Variants in PIEZO2 observed in about 807,000 individuals in gnomAD.
PIEZO2 encodes piezo type mechanosensitive ion channel component 2, also known as piezo-type mechanosensitive ion channel component 2.
A neutral mutation model predicts 337.3 loss-of-function variants in PIEZO2; 172 were observed. The observed-to-expected ratio is 0.51, with a 90% CI of 0.45 to 0.58. The LOEUF (loss-of-function observed/expected upper bound fraction) is 0.58, where lower values mean the gene tolerates loss of function less well. PIEZO2 is among the 20% of genes least tolerant of loss of function. The probability of loss-of-function intolerance (pLI) is 0.00; values close to 1 mark genes in which losing one functional copy is unlikely to be tolerated. For synonymous variants in PIEZO2, 1,251 were observed against 1,228.5 expected (o/e 1.02, Z -0.38); for missense variants, 3,028 against 3,391.3 (o/e 0.89, Z 2.66).
intron 45 of PIEZO2, 29 bp downstream of exon 45, chr18:10,697,719 A>G: frequency 5.0e-6 from 8 of 1,608,476 alleles, no homozygotes; most frequent in Non-Finnish European, 6.8e-6. Flanking sequence ...ACAATAAAGC[A>G]CACATGCCAT....
In PIEZO2 at chr18:11,112,199, G is replaced by GT; in HGVS notation, c.64+36325dup. On this transcript the variant is annotated intron_variant, in intron 1 of 55. Coordinates refer to ENST00000674853, the MANE Select transcript of PIEZO2 (RefSeq NM_001378183.1). The surrounding 1 kb of genome is among the most constrained non-coding windows in gnomAD (Gnocchi z 4.3). ...ATTTAAGTAATCCTCTAGGTATTTT[G>GT]TATCTACAGGATCAGATATTCGGAT... Among the ~76,000 whole-genome samples the GT allele has an allele frequency of 6.6e-6, 1 of 152,156 alleles. No homozygotes were observed. The highest frequency in any genetic ancestry group is 2.1e-4 in the South Asian group (1 of 4,830).
rs2033867804 is a variant in PIEZO2 at position 10,673,519 on chromosome 18, G to A, written c.8162-646C>T. ...AACTTCAATAGGTGAAGGTGGGTGA[G>A]GAGGGAAGCTCATTTCAGGAAGAGT... On this transcript the variant is annotated intron_variant, in intron 54 of 55. Coordinates refer to ENST00000674853, the MANE Select transcript of PIEZO2 (RefSeq NM_001378183.1). This position sits in a 1 kb window ranked among gnomAD's most constrained non-coding sequence, Gnocchi z 4.8. Among the ~76,000 whole-genome samples, 1 of 152,154 alleles carries A rather than the reference G, an allele frequency of 6.6e-6. No homozygotes were observed. Among genetic ancestry groups the A allele is most frequent in the Non-Finnish European group, 1.5e-5 (1 of 68,032 alleles).
At chr18:10,789,631 G>C (rs985646444) in intron 14 of PIEZO2, among the ~76,000 whole-genome samples, 5 of 152,122 alleles carry the variant, frequency 3.3e-5, no homozygotes, top group Non-Finnish European at 7.4e-5. Flanking sequence ...CTGATATCCA[G>C]TGATAGCTTT....
chr18:10,886,515 A>ATATATATATG (rs2042613910), intron 4 of PIEZO2, among the ~76,000 whole-genome samples: 1 of 41,762 alleles, frequency 2.4e-5, no homozygotes. Context: ...TACACATTAT[A>ATATATATATG]TATATATGAT....
intron 7 of PIEZO2, among the ~76,000 whole-genome samples, chr18:10,814,528 T>C (rs1598522079): frequency 6.6e-6 from 1 of 152,044 alleles, no homozygotes; most frequent in South Asian, 2.1e-4. Flanking sequence ...TTTCAGGAAG[T>C]TTGAGAATTT....
rs200508496 is a variant in PIEZO2, at chr18:10,998,423, GA to G, written c.161-18764del. Among the ~76,000 whole-genome samples the G allele has an allele frequency of 1.9e-3, 293 of 151,586 alleles. 1 individual carries two copies. The highest frequency in any genetic ancestry group is 6.6e-3 in the African/African-American group (273 of 41,408). ...CTCCAGTTAATTCATGGAATTTCTA[GA>G]AAAAAATCTCTCTTTTTTGGATTTG... On this transcript the variant is annotated intron_variant, in intron 2 of 55. Coordinates refer to ENST00000674853, the MANE Select transcript of PIEZO2 (RefSeq NM_001378183.1).
At chr18:11,023,640 C>T (rs934747449) in intron 2 of PIEZO2, among the ~76,000 whole-genome samples, 2 of 152,242 alleles carry the variant, frequency 1.3e-5, no homozygotes, top group Admixed American at 6.5e-5. Context: ...AGTCCCGTGC[C>T]GTGTGCCCAC....
At chr18:11,015,998 C>T (rs1178775848) in intron 2 of PIEZO2, among the ~76,000 whole-genome samples, 3 of 152,202 alleles carry the variant, frequency 2.0e-5, no homozygotes, top group Admixed American at 6.5e-5. Flanking sequence ...ATAGCTTGGG[C>T]AATCCTGGTG....
Position 10,736,596 on chromosome 18 carries a change from A to C in PIEZO2, c.4815+8T>G. On this transcript the variant is annotated splice_region_variant and intron_variant, in intron 34 of 55. Transcript: ENST00000674853. Reference sequence around the variant, plus strand: ...AACTAGCAAAGAAATGATTTTCCCCATAATTACCTGGAATGCTGACCTTCG... The same window carrying C: ...AACTAGCAAAGAAATGATTTTCCCCCTAATTACCTGGAATGCTGACCTTCG... 1 of 1,536,894 alleles carries C rather than the reference A, an allele frequency of 6.5e-7. No individual in the cohort carries two copies. Among genetic ancestry groups the C allele is most frequent in the Non-Finnish European group, 8.7e-7 (1 of 1,146,802 alleles).
At chr18:11,025,932 C>A (rs2036524371) in intron 2 of PIEZO2, among the ~76,000 whole-genome samples, 1 of 152,168 alleles carries the variant, frequency 6.6e-6, no homozygotes, top group Admixed American at 6.5e-5. Flanking sequence ...GGGGCAGCAG[C>A]AGCAAGCCCC....
chr18:10,904,092 TAGTC>T (rs1221431032), intron 4 of PIEZO2, among the ~76,000 whole-genome samples: 20 of 152,338 alleles, frequency 1.3e-4, no homozygotes, highest in South Asian at 2.1e-4. Context: ...TAAAATATAA[TAGTC>T]AGTTACATGA....
intron 2 of PIEZO2, among the ~76,000 whole-genome samples, chr18:11,029,122 C>T (rs1251333473): frequency 1.3e-5 from 2 of 152,134 alleles, no homozygotes; most frequent in African/African-American, 2.4e-5. Context: ...AGGCCTTCTC[C>T]ATATTCAATT....
chr18:11,007,127 T>C (rs550052151), intron 2 of PIEZO2, among the ~76,000 whole-genome samples: 1 of 152,340 alleles, frequency 6.6e-6, no homozygotes, highest in South Asian at 2.1e-4. Flanking sequence ...TTTTATTCCT[T>C]CTATCTAACT....
intron 3 of PIEZO2, among the ~76,000 whole-genome samples, chr18:10,959,037 C>A (rs1041339480): frequency 6.6e-6 from 1 of 152,100 alleles, no homozygotes; most frequent in African/African-American, 2.4e-5. Context: ...CTACCTATAA[C>A]TGTAGTGTAG....
chr18:10,728,837 C>G (rs776827180), intron 36 of PIEZO2, among the ~76,000 whole-genome samples: 6 of 151,752 alleles, frequency 4.0e-5, no homozygotes, highest in Admixed American at 6.6e-5. Context: ...CGCCTGTAGT[C>G]CCAGCTACGT....
rs1230412746 is a variant in PIEZO2 at position 10,895,921 on chromosome 18, G to A, written c.329+15265C>T. Among the ~76,000 whole-genome samples, 1 of 151,954 alleles carries A rather than the reference G, an allele frequency of 6.6e-6. No homozygotes were observed. The highest frequency in any genetic ancestry group is 2.1e-4 in the South Asian group (1 of 4,812). On this transcript the variant is annotated intron_variant, in intron 4 of 55. Coordinates refer to ENST00000674853, the MANE Select transcript of PIEZO2 (RefSeq NM_001378183.1). The surrounding 1 kb of genome is among the most constrained non-coding windows in gnomAD (Gnocchi z 4.8). ...TAAAAATACAGAAAATTACCCGGGC[G>A]TGGTGGCGTGTGCCTGTAATCCCAG... is the stretch of plus-strand genomic sequence containing the variant.
chr18:10,834,692 C>G lies in PIEZO2; in HGVS notation c.917+20661G>C, dbSNP rs558191323. Among the ~76,000 whole-genome samples the G allele has an allele frequency of 1.3e-5, 2 of 152,286 alleles. No individual in the cohort carries two copies. The highest frequency in any genetic ancestry group is 4.1e-4 in the South Asian group (2 of 4,822). ...GCAGGAGGCTAGATCAGAGAGGAAGCCTGGCCTGTCTGAACTCCAAAGCCC... is the reference window on the plus strand; with the variant it reads ...GCAGGAGGCTAGATCAGAGAGGAAGGCTGGCCTGTCTGAACTCCAAAGCCC... On this transcript the variant is annotated intron_variant, in intron 7 of 55. Coordinates refer to ENST00000674853, the MANE Select transcript of PIEZO2 (RefSeq NM_001378183.1). This position sits in a 1 kb window ranked among gnomAD's most constrained non-coding sequence, Gnocchi z 4.5.
chr18:11,047,628 T>C lies in PIEZO2; in HGVS notation c.160+18499A>G, dbSNP rs974468843. ...TTTCAGACACCAACACTCCAGGCAA[T>C]AGGGAGAATCGAAGTCTTGGTCCTA... On this transcript the variant is annotated intron_variant, in intron 2 of 55. Transcript: ENST00000674853. The surrounding 1 kb of genome is among the most constrained non-coding windows in gnomAD (Gnocchi z 7.2). 1.3e-5 allele frequency among the ~76,000 whole-genome samples: 2 copies of C among 151,812 alleles called. No homozygotes were observed. Among genetic ancestry groups the C allele is most frequent in the East Asian group, 1.9e-4 (1 of 5,158 alleles).
chr18:11,004,682 A>G (rs571571440), intron 2 of PIEZO2, among the ~76,000 whole-genome samples: 28 of 152,368 alleles, frequency 1.8e-4, no homozygotes, highest in African/African-American at 4.3e-4. Context: ...GTTGAGGCCA[A>G]TGGATCTCCT....
Sources: allele counts gnomAD v4.1 joint callset (sites outside exome capture counted in the v4.1 genomes callset), GRCh38; gene constraint gnomAD v4.1.1; non-coding constraint Gnocchi (gnomAD v3.1); transcripts MANE v1.5; gene names NCBI Gene and HGNC (gene_info 2026-07-23, HGNC 2026-07-21).